Variants in CCDC102B observed in about 807,000 individuals in gnomAD.
CCDC102B encodes the protein coiled-coil domain-containing protein 102B.
A neutral mutation model predicts 57.4 loss-of-function variants in CCDC102B; 75 were observed. The observed-to-expected ratio is 1.31, with a 90% CI of 1.08 to 1.58. The LOEUF is 1.58. Ranked by LOEUF, CCDC102B falls within the 40% of genes most tolerant of loss-of-function variation. The probability of loss-of-function intolerance (pLI) is 0.00; values close to 1 mark genes in which losing one functional copy is unlikely to be tolerated. For missense variants in CCDC102B, 636 were observed against 582.6 expected (o/e 1.09, Z -0.94); for synonymous variants, 206 against 201.9 (o/e 1.02, Z -0.17).
chr18:68,797,377 T>C (rs2035667550), upstream of CCDC102B, among the ~76,000 whole-genome samples: 1 of 152,128 alleles, frequency 6.6e-6, no homozygotes, highest in Admixed American at 6.6e-5. Context: ...ATTTTTTTGC[T>C]GCTAGTTTCA....
At chr18:68,865,345 A>G (rs753936667) in intron 4 of CCDC102B, among the ~76,000 whole-genome samples, 1 of 152,102 alleles carries the variant, frequency 6.6e-6, no homozygotes, top group African/African-American at 2.4e-5. Context: ...CTTAGGGTTC[A>G]TAGGGATAAC....
chr18:68,784,142 G>C lies in CCDC102B; in HGVS notation c.-66-39224G>C, dbSNP rs1348404216. 3.9e-5 allele frequency among the ~76,000 whole-genome samples: 6 copies of C among 152,000 alleles called. No homozygotes were observed. In the East Asian group the frequency reaches 1.2e-3, roughly 29 times the overall value. On this transcript the variant is annotated intron_variant, in intron 2 of 3. Transcript: ENST00000578970. ...TGGCATTGCTGTAAAGAAATGCCTG[G>C]GACTGGGTAATTTATAAAGAAAAGA...
chr18:68,881,636 C>T (rs2039696587), intron 5 of CCDC102B, among the ~76,000 whole-genome samples: 1 of 152,082 alleles, frequency 6.6e-6, no homozygotes, highest in Non-Finnish European at 1.5e-5. Context: ...ACTACTGATG[C>T]CTAACTGCTT....
intron 6 of CCDC102B, among the ~76,000 whole-genome samples, chr18:68,947,641 C>T (rs746799515): frequency 1.4e-4 from 21 of 152,014 alleles, no homozygotes; most frequent in African/African-American, 4.1e-4. Context: ...AGGCAAATTC[C>T]AGTGTTCAGG....
At chr18:68,791,912 G>A (rs182723849) in intron 2 of CCDC102B, among the ~76,000 whole-genome samples, 76 of 152,026 alleles carry the variant, frequency 5.0e-4, no homozygotes, top group Middle Eastern at 3.4e-3. Context: ...TAGAGTTTTT[G>A]CCTCTCAGGG....
intron 2 of CCDC102B, among the ~76,000 whole-genome samples, chr18:68,737,732 C>G (rs538380463): frequency 5.3e-5 from 8 of 152,242 alleles, no homozygotes; most frequent in African/African-American, 1.9e-4. Flanking sequence ...CCTGTTTCTT[C>G]ATGATTACAG....
chr18:68,871,462 G>A (rs1312412189), intron 4 of CCDC102B, among the ~76,000 whole-genome samples: 1 of 152,038 alleles, frequency 6.6e-6, no homozygotes, highest in Non-Finnish European at 1.5e-5. Context: ...AGTTGAAGAG[G>A]CAAGTGACAA....
chr18:68,885,623 T>TAC (rs1233336019), intron 5 of CCDC102B, among the ~76,000 whole-genome samples: 1 of 152,064 alleles, frequency 6.6e-6, no homozygotes, highest in African/African-American at 2.4e-5. Context: ...GAAAGTGATT[T>TAC]ACATCTTAGA....
At position 69,000,524 on chromosome 18, in the gene CCDC102B, G is replaced by T. The variant is rs116102102; in HGVS notation, c.1264-10410G>T. 6.6e-3 allele frequency among the ~76,000 whole-genome samples: 1,004 copies of T among 152,212 alleles called. 5 individuals carry two copies. The highest frequency in any genetic ancestry group is 0.022 in the African/African-American group (928 of 41,532). On this transcript the variant is annotated intron_variant, in intron 6 of 7. Transcript: ENST00000360242. The stretch of plus-strand genomic sequence containing the variant: ...TATATATGAATGCCTTAGTCCCAGA[G>T]ATAAATATTGCACACAGACACACAT...
At chr18:68,941,134 T>C (rs929378820) in intron 6 of CCDC102B, among the ~76,000 whole-genome samples, 37 of 151,560 alleles carry the variant, frequency 2.4e-4, no homozygotes, top group Non-Finnish European at 4.6e-4. Flanking sequence ...ATTTAGCATA[T>C]GTTGTATTTA....
At chr18:68,957,370 G>T (rs1439433936) in intron 6 of CCDC102B, among the ~76,000 whole-genome samples, 1 of 151,974 alleles carries the variant, frequency 6.6e-6, no homozygotes, top group Non-Finnish European at 1.5e-5. Flanking sequence ...TAAAGAGACT[G>T]TCCTTTCCCC....
intron 6 of CCDC102B, among the ~76,000 whole-genome samples, chr18:68,979,838 A>T (rs2050533259): frequency 6.6e-6 from 1 of 152,022 alleles, no homozygotes; most frequent in African/African-American, 2.4e-5. Flanking sequence ...GATAGTGGCT[A>T]AAAGGCCTAA....
downstream of CCDC102B, among the ~76,000 whole-genome samples, chr18:69,057,548 A>G (rs191896605): frequency 7.0e-4 from 106 of 152,112 alleles, no homozygotes; most frequent in African/African-American, 2.5e-3. Context: ...ATTGGCTTTC[A>G]GGAGGATTGC....
chr18:68,887,878 G>C (rs1426859411), intron 5 of CCDC102B, among the ~76,000 whole-genome samples: 1 of 152,178 alleles, frequency 6.6e-6, no homozygotes. Flanking sequence ...GCAGGACACT[G>C]GGAATGATGG....
rs565349852 is a variant in CCDC102B at position 68,960,690 on chromosome 18, G to C, written c.1264-50244G>C. ...GTTTACCAGAACTCAGGTTTCCACTGCTGTGATGAACAAACGCCTCTGCCT... is the reference window on the plus strand; with the variant it reads ...GTTTACCAGAACTCAGGTTTCCACTCCTGTGATGAACAAACGCCTCTGCCT... On this transcript the variant is annotated intron_variant, in intron 6 of 7. Transcript: ENST00000360242. 6.6e-5 allele frequency among the ~76,000 whole-genome samples: 10 copies of C among 152,288 alleles called. No homozygotes were observed. The East Asian group carries it at 1.9e-3, about 29-fold the overall frequency.
intron 7 of CCDC102B, among the ~76,000 whole-genome samples, chr18:69,012,457 G>A (rs891134416): frequency 6.6e-6 from 1 of 151,988 alleles, no homozygotes; most frequent in African/African-American, 2.4e-5. Context: ...AATGAGCTGC[G>A]GTCTTAAGGA....
chr18:68,846,282 CT>C lies in CCDC102B; in HGVS notation c.828-24del, dbSNP rs542106970. 137 of 1,391,438 alleles carry C rather than the reference CT, an allele frequency of 9.8e-5. No individual in the cohort carries two copies. The South Asian group carries it at 2.1e-3, about 21-fold the overall frequency. The allele number at this position is 1,391,438 out of a possible 1,614,324, so 86.2% of individuals were successfully genotyped here. ...GAAAGTATTTTAAAATTGAAGCCGACTTTTTTTCTTTTAATTCTTAAATTAT... is the reference window on the plus strand; with the variant it reads ...GAAAGTATTTTAAAATTGAAGCCGACTTTTTTCTTTTAATTCTTAAATTAT... On this transcript the variant is annotated intron_variant, in intron 3 of 7. Transcript: ENST00000360242.
At chr18:69,012,518 A>G (rs898640419) in intron 7 of CCDC102B, among the ~76,000 whole-genome samples, 4 of 152,182 alleles carry the variant, frequency 2.6e-5, no homozygotes, top group African/African-American at 9.7e-5. Flanking sequence ...CACATCATCA[A>G]TGTCAGGTTT....
intron 6 of CCDC102B, among the ~76,000 whole-genome samples, chr18:68,935,389 A>T (rs1227224230): frequency 5.3e-5 from 8 of 151,990 alleles, no homozygotes; most frequent in Admixed American, 3.9e-4. Context: ...CATTAATGAT[A>T]TAGAAATGAA....
Sources: gnomAD v4.1 joint callset for allele counts (sites outside exome capture counted in the v4.1 genomes callset) on GRCh38, gnomAD v4.1.1 for gene constraint, MANE v1.5 for transcripts, NCBI Gene and HGNC (gene_info 2026-07-23, HGNC 2026-07-21) for gene names.